Variants in ACVR1C observed in about 807,000 individuals in gnomAD.
ACVR1C encodes the protein activin receptor type-1C.
A neutral mutation model predicts 57.9 loss-of-function variants in ACVR1C; 23 were observed. The observed-to-expected ratio is 0.40, with a 90% CI of 0.29 to 0.56. The LOEUF is 0.56. Ranked by LOEUF, ACVR1C falls within the 20% of genes least tolerant of loss-of-function variation. The pLI is 0.50. For missense variants in ACVR1C, 480 were observed against 607.9 expected (o/e 0.79, Z 2.21); for synonymous variants, 214 against 215.3 (o/e 0.99, Z 0.05).
At chr2:157,625,672 T>G (rs1682879630) in intron 1 of ACVR1C, among the ~76,000 whole-genome samples, 1 of 152,130 alleles carries the variant, frequency 6.6e-6, no homozygotes, top group African/African-American at 2.4e-5. Context: ...CCCTGGTTAT[T>G]AAGGAAATAT....
chr2:157,562,939 T>C (rs1688276873), intron 2 of ACVR1C, among the ~76,000 whole-genome samples: 1 of 152,108 alleles, frequency 6.6e-6, no homozygotes, highest in South Asian at 2.1e-4. Context: ...TTAAAAACCC[T>C]CAATAAAGTA....
chr2:157,556,810 C>T (rs1688113217), intron 2 of ACVR1C, among the ~76,000 whole-genome samples: 1 of 151,858 alleles, frequency 6.6e-6, no homozygotes, highest in Non-Finnish European at 1.5e-5. Flanking sequence ...ATTACAGGTG[C>T]CCACCACCAT....
intron 1 of ACVR1C, among the ~76,000 whole-genome samples, chr2:157,626,320 T>A (rs1454165421): frequency 6.6e-6 from 1 of 152,160 alleles, no homozygotes; most frequent in East Asian, 1.9e-4. Flanking sequence ...TTTCTAAGTC[T>A]CTACCAGCTG....
intron 1 of ACVR1C, among the ~76,000 whole-genome samples, chr2:157,591,095 C>G (rs1489979642): frequency 6.6e-6 from 1 of 151,952 alleles, no homozygotes; most frequent in Non-Finnish European, 1.5e-5. Flanking sequence ...ACAAGCGAAA[C>G]AATCAAAATA....
intron 1 of ACVR1C, among the ~76,000 whole-genome samples, chr2:157,616,906 A>G (rs1163109671): frequency 5.3e-5 from 8 of 151,348 alleles, no homozygotes; most frequent in Non-Finnish European, 1.5e-5. Flanking sequence ...AAAGAGGGCC[A>G]AAAAAGAGGA....
At chr2:157,578,652 T>C (rs1688717739) in intron 2 of ACVR1C, among the ~76,000 whole-genome samples, 1 of 152,230 alleles carries the variant, frequency 6.6e-6, no homozygotes. Context: ...TCTATTTCTG[T>C]TACTTTACAA....
chr2:157,566,889 C>T (rs1688401726), intron 2 of ACVR1C, among the ~76,000 whole-genome samples: 1 of 151,534 alleles, frequency 6.6e-6, no homozygotes, highest in African/African-American at 2.4e-5. Context: ...CTGCCTGCCT[C>T]TGTAGGCTCC....
chr2:157,595,092 C>T (rs1265391512), intron 1 of ACVR1C, among the ~76,000 whole-genome samples: 1 of 152,260 alleles, frequency 6.6e-6, no homozygotes, highest in African/African-American at 2.4e-5. Context: ...AGCTGCTAAG[C>T]TCCTCCAGTG....
chr2:157,556,018 T>C (rs984068785), intron 3 of ACVR1C, 75 bp downstream of exon 3: 2 of 1,485,628 alleles, frequency 1.3e-6, no homozygotes, highest in South Asian at 2.8e-5. Flanking sequence ...TTGGGCCCTT[T>C]TTGTTAAAAA....
intron 4 of ACVR1C, among the ~76,000 whole-genome samples, chr2:157,545,000 C>T (rs1035781478): frequency 5.3e-5 from 8 of 151,910 alleles, no homozygotes; most frequent in African/African-American, 1.9e-4. Context: ...AAAATTATAC[C>T]AATAAAGATC....
At chr2:157,556,985 T>G (rs1423621623) in intron 2 of ACVR1C, among the ~76,000 whole-genome samples, 1 of 152,164 alleles carries the variant, frequency 6.6e-6, no homozygotes, top group Non-Finnish European at 1.5e-5. Flanking sequence ...TTTTAAAGCA[T>G]GTACATTCAT....
chr2:157,618,711 A>G (rs1682704600), intron 1 of ACVR1C, among the ~76,000 whole-genome samples: 1 of 151,848 alleles, frequency 6.6e-6, no homozygotes. Flanking sequence ...AAGGTGGGAT[A>G]GTTATATTAA....
At chr2:157,621,072 C>T (rs778016803) in intron 1 of ACVR1C, among the ~76,000 whole-genome samples, 16 of 152,164 alleles carry the variant, frequency 1.1e-4, no homozygotes, top group Admixed American at 3.9e-4. Context: ...ATGTTTAAGT[C>T]ATTGGCAAAT....
chr2:157,554,281 A>AAGAG (rs376177092), intron 3 of ACVR1C, among the ~76,000 whole-genome samples: 13 of 122,396 alleles, frequency 1.1e-4, no homozygotes, highest in African/African-American at 3.0e-4. Context: ...GGAAGGAAGG[A>AAGAG]AGAGAGAGAG....
chr2:157,589,102 T>C (rs1426462576), intron 1 of ACVR1C, among the ~76,000 whole-genome samples: 5 of 151,820 alleles, frequency 3.3e-5, no homozygotes, highest in African/African-American at 1.2e-4. Context: ...CTTTGAGAAC[T>C]CTCCATACTG....
In ACVR1C at chr2:157,527,511, AC is replaced by A. The variant is rs1380471305; in HGVS notation, c.*6406del. 1 of 152,204 alleles carries A rather than the reference AC, an allele frequency of 6.6e-6. No homozygotes were observed. Among genetic ancestry groups the A allele is most frequent in the Non-Finnish European group, 1.5e-5 (1 of 68,032 alleles). 9.4% of individuals were successfully genotyped at this position (152,204 alleles called of 1,614,324 possible). A position where few individuals can be genotyped will look rare whatever the true frequency, so the allele number is the denominator to read the frequency against. On this transcript the variant is annotated 3_prime_UTR_variant, in exon 9 of 9. Coordinates refer to ENST00000243349, the MANE Select transcript of ACVR1C (RefSeq NM_145259.3). ...AAAGAAAAGTATAATTAGTATTAGTACTTTGAAAGTCAATCCAAAATTCCTT... is the reference window on the plus strand; with the variant it reads ...AAAGAAAAGTATAATTAGTATTAGTATTTGAAAGTCAATCCAAAATTCCTT...
chr2:157,550,654 C>A (rs1687891874), intron 3 of ACVR1C, among the ~76,000 whole-genome samples: 1 of 151,460 alleles, frequency 6.6e-6, no homozygotes, highest in Non-Finnish European at 1.5e-5. Context: ...CTACAGATAT[C>A]TGATTTCCAA....
Position 157,527,568 on chromosome 2 carries a change from T to C in ACVR1C, c.*6350A>G, listed in dbSNP as rs952059821. 11 of 152,226 alleles carry C rather than the reference T, an allele frequency of 7.2e-5. No homozygotes were observed. Among genetic ancestry groups the C allele is most frequent in the Non-Finnish European group, 2.9e-5 (2 of 68,042 alleles). 9.4% of individuals were successfully genotyped at this position (152,226 alleles called of 1,614,324 possible). On this transcript the variant is annotated 3_prime_UTR_variant, in exon 9 of 9. Coordinates refer to ENST00000243349, the MANE Select transcript of ACVR1C (RefSeq NM_145259.3). ...AGATCTGAATCTAATTTTCTGTTTTTAGGACATTTAAAAACCTGAAACACA... is the reference window on the plus strand; with the variant it reads ...AGATCTGAATCTAATTTTCTGTTTTCAGGACATTTAAAAACCTGAAACACA...
At chr2:157,580,082 C>T (rs1280502746) in intron 2 of ACVR1C, among the ~76,000 whole-genome samples, 2 of 151,950 alleles carry the variant, frequency 1.3e-5, no homozygotes, top group South Asian at 4.1e-4. Context: ...CACACACACA[C>T]AAACACACAC....
Sources: allele counts gnomAD v4.1 joint callset (sites outside exome capture counted in the v4.1 genomes callset), GRCh38; gene constraint gnomAD v4.1.1; transcripts MANE v1.5; gene names NCBI Gene and HGNC (gene_info 2026-07-23, HGNC 2026-07-21).